The following ADGRB3 variants were observed in gnomAD, a reference collection of about 807,000 sequenced individuals.
The protein encoded by ADGRB3 is brain-specific angiogenesis inhibitor 3.
Under a neutral mutation model 193.4 loss-of-function variants are expected in ADGRB3, and 37 were observed. The observed-to-expected ratio is 0.19, with a 90% confidence interval of 0.15 to 0.25. ADGRB3 has a LOEUF of 0.25. Ranked by LOEUF, ADGRB3 falls within the 10% of genes least tolerant of loss-of-function variation. The pLI is 1.00. For missense variants in ADGRB3, 1,637 were observed against 1,852.9 expected (o/e 0.88, Z 2.14); for synonymous variants, 690 against 644.2 (o/e 1.07, Z -1.08).
chr6:69,146,397 C>A (rs1250512276), intron 17 of ADGRB3, among the ~76,000 whole-genome samples: 1 of 152,238 alleles, frequency 6.6e-6, no homozygotes, highest in Non-Finnish European at 1.5e-5. Flanking sequence ...AGGCAGAAGG[C>A]CTTCCTGGGT....
Position 69,011,446 on chromosome 6 carries a change from A to G in ADGRB3, c.1930-2592A>G, listed in dbSNP as rs78391176. Among the ~76,000 whole-genome samples, 53 of 152,040 alleles carry G rather than the reference A, an allele frequency of 3.5e-4. 1 individual carries two copies. The East Asian group carries it at 9.1e-3, about 26-fold the overall frequency. On this transcript the variant is annotated intron_variant, in intron 11 of 31. Transcript: ENST00000370598. ...ATATTGGGTACTCATGCACATAAAA[A>G]TGGCAAAAATAGACACTGGGGACTA...
intron 3 of ADGRB3, among the ~76,000 whole-genome samples, chr6:68,707,203 A>AT (rs1461688375): frequency 6.6e-6 from 1 of 151,738 alleles, no homozygotes; most frequent in Non-Finnish European, 1.5e-5. Flanking sequence ...TCATCTTTTC[A>AT]TTTTCGTATG....
At chr6:68,825,060 A>G (rs542451490) in intron 3 of ADGRB3, among the ~76,000 whole-genome samples, 184 of 152,088 alleles carry the variant, frequency 1.2e-3, no homozygotes, top group African/African-American at 4.0e-3. Flanking sequence ...GGGTTTCACC[A>G]TGGTTAGGCT....
In ADGRB3 at chr6:69,062,930, G is replaced by T. The variant is rs746837137; in HGVS notation, c.2334-4G>T. The T allele has an allele frequency of 1.6e-5, 26 of 1,591,912 alleles. No individual in the cohort carries two copies. The highest frequency in any genetic ancestry group is 3.4e-5 in the Admixed American group (2 of 59,650). On this transcript the variant is annotated splice_region_variant and splice_polypyrimidine_tract_variant and intron_variant, in intron 15 of 31. Coordinates refer to ENST00000370598, the MANE Select transcript of ADGRB3 (RefSeq NM_001704.3). Reference sequence around the variant, plus strand: ...TCCTTTTAATTATAATTACTCTGTTGCAGAAATTATACTGTCATTAATTCC... The same window carrying T: ...TCCTTTTAATTATAATTACTCTGTTTCAGAAATTATACTGTCATTAATTCC...
At chr6:68,707,523 TAG>T (rs1765345560) in intron 3 of ADGRB3, among the ~76,000 whole-genome samples, 1 of 152,198 alleles carries the variant, frequency 6.6e-6, no homozygotes, top group South Asian at 2.1e-4. Flanking sequence ...ACCTATGTAT[TAG>T]TTGCTTACAT....
intron 3 of ADGRB3, among the ~76,000 whole-genome samples, chr6:68,749,102 G>T (rs191111651): frequency 6.6e-6 from 1 of 152,066 alleles, no homozygotes; most frequent in Admixed American, 6.5e-5. Context: ...TTCCTCCTGG[G>T]CCTCTTGGTC....
intron 3 of ADGRB3, among the ~76,000 whole-genome samples, chr6:68,707,157 A>T (rs149950691): frequency 6.6e-6 from 1 of 151,966 alleles, no homozygotes; most frequent in African/African-American, 2.4e-5. Context: ...GGATTTGCTG[A>T]CAATGACTAT....
At chr6:69,235,565 G>C (rs1766244106) in intron 19 of ADGRB3, among the ~76,000 whole-genome samples, 1 of 152,006 alleles carries the variant, frequency 6.6e-6, no homozygotes, top group African/African-American at 2.4e-5. Flanking sequence ...CATGCTTTCA[G>C]TATGTCCCAG....
intron 17 of ADGRB3, among the ~76,000 whole-genome samples, chr6:69,155,513 T>C (rs1273246106): frequency 6.6e-6 from 1 of 152,222 alleles, no homozygotes; most frequent in African/African-American, 2.4e-5. Flanking sequence ...CTTTGCAAAC[T>C]CTAGATTATT....
chr6:69,019,537 A>G (rs949473398), intron 13 of ADGRB3, among the ~76,000 whole-genome samples: 1 of 152,024 alleles, frequency 6.6e-6, no homozygotes, highest in Non-Finnish European at 1.5e-5. Flanking sequence ...ATCCTAGGAT[A>G]TCTTCCACCA....
intron 8 of ADGRB3, among the ~76,000 whole-genome samples, chr6:68,968,832 A>G (rs1027431355): frequency 6.6e-6 from 1 of 152,168 alleles, no homozygotes; most frequent in Non-Finnish European, 1.5e-5. Flanking sequence ...AGAAACATGA[A>G]TATCATTTAT....
intron 3 of ADGRB3, among the ~76,000 whole-genome samples, chr6:68,890,606 G>A (rs536782364): frequency 1.3e-5 from 2 of 152,150 alleles, no homozygotes; most frequent in East Asian, 3.9e-4. Flanking sequence ...ATAAATTTGT[G>A]TACACTATTC....
intron 3 of ADGRB3, among the ~76,000 whole-genome samples, chr6:68,789,252 A>T (rs1767047674): frequency 1.3e-5 from 2 of 152,076 alleles, no homozygotes; most frequent in Admixed American, 1.3e-4. Flanking sequence ...CCTAGCCTTG[A>T]TGGTCTTTAC....
intron 3 of ADGRB3, among the ~76,000 whole-genome samples, chr6:68,649,210 A>C (rs1318327961): frequency 6.6e-6 from 1 of 152,174 alleles, no homozygotes; most frequent in East Asian, 1.9e-4. Context: ...ACAAATATTC[A>C]GACTTATAAA....
chr6:69,321,845 G>A (rs866397227), intron 20 of ADGRB3, among the ~76,000 whole-genome samples: 2 of 151,802 alleles, frequency 1.3e-5, no homozygotes, highest in South Asian at 2.1e-4. Context: ...GTGTTTCCTT[G>A]TATGGAGTGT....
At chr6:69,077,082 C>T (rs1369662869) in intron 17 of ADGRB3, among the ~76,000 whole-genome samples, 1 of 151,992 alleles carries the variant, frequency 6.6e-6, no homozygotes. Context: ...TTCTCATACT[C>T]TGGGTATCCT....
At chr6:68,650,723 A>G (rs1289618150) in intron 3 of ADGRB3, among the ~76,000 whole-genome samples, 2 of 152,138 alleles carry the variant, frequency 1.3e-5, no homozygotes, top group African/African-American at 2.4e-5. Context: ...GAAAACAATC[A>G]AGGCAACTAA....
intron 20 of ADGRB3, among the ~76,000 whole-genome samples, chr6:69,295,253 T>C (rs1767787007): frequency 6.6e-6 from 1 of 152,180 alleles, no homozygotes; most frequent in African/African-American, 2.4e-5. Context: ...TGATCAAAAG[T>C]TGCTGTATTT....
At chr6:68,841,003 A>G (rs181895254) in intron 3 of ADGRB3, among the ~76,000 whole-genome samples, 39 of 152,346 alleles carry the variant, frequency 2.6e-4, no homozygotes, top group African/African-American at 9.4e-4. Context: ...AATGAGTCAA[A>G]GAAGATCATT....
Sources: gnomAD v4.1 joint callset for allele counts (sites outside exome capture counted in the v4.1 genomes callset) on GRCh38, gnomAD v4.1.1 for gene constraint, MANE v1.5 for transcripts, NCBI Gene and HGNC (gene_info 2026-07-23, HGNC 2026-07-21) for gene names.